The following ACMSD variants were observed in gnomAD, a reference collection of about 807,000 sequenced individuals.
ACMSD encodes the protein 2-amino-3-carboxymuconate-6-semialdehyde decarboxylase.
A neutral mutation model predicts 45.9 loss-of-function variants in ACMSD; 37 were observed. That is an observed-to-expected ratio of 0.81 (90% CI 0.62 to 1.06). ACMSD has a LOEUF of 1.06. Among genes scored for constraint, ACMSD ranks in the 50% least tolerant of loss-of-function variants. The probability of loss-of-function intolerance (pLI) is 0.00; values close to 1 mark genes in which losing one functional copy is unlikely to be tolerated. For missense variants in ACMSD, 434 were observed against 420.9 expected (o/e 1.03, Z -0.27); for synonymous variants, 138 against 148.8 (o/e 0.93, Z 0.53).
intron 8 of ACMSD, among the ~76,000 whole-genome samples, chr2:134,875,974 A>T (rs1688712229): frequency 6.6e-6 from 1 of 152,256 alleles, no homozygotes; most frequent in Non-Finnish European, 1.5e-5. Context: ...ACAAACCTGT[A>T]CATGTTACTG....
intron 8 of ACMSD, among the ~76,000 whole-genome samples, chr2:134,885,257 A>AATATATATTTACATATATATT (rs1689269469): frequency 2.0e-5 from 2 of 101,974 alleles, no homozygotes; most frequent in Non-Finnish European, 3.5e-5. Context: ...TTTATATATA[A>AATATATATTTACATATATATT]TATATATATA....
At chr2:134,840,754 T>G (rs538590684) in intron 1 of ACMSD, among the ~76,000 whole-genome samples, 1 of 151,876 alleles carries the variant, frequency 6.6e-6, no homozygotes, top group Non-Finnish European at 1.5e-5. Context: ...CTTCTTTTTT[T>G]ATTTTTATGT....
intron 2 of ACMSD, among the ~76,000 whole-genome samples, chr2:134,848,350 G>A (rs1489384260): frequency 3.3e-5 from 5 of 152,142 alleles, no homozygotes; most frequent in African/African-American, 4.8e-5. Flanking sequence ...TTGAGGAATC[G>A]CCACACTGTC....
intron 2 of ACMSD, among the ~76,000 whole-genome samples, chr2:134,853,130 T>C (rs1221941396): frequency 7.6e-6 from 1 of 132,416 alleles, no homozygotes; most frequent in East Asian, 2.2e-4. Context: ...ACCACTACAC[T>C]CCAGCCTGGG....
chr2:134,852,802 G>A (rs763498218), intron 2 of ACMSD, among the ~76,000 whole-genome samples: 1 of 152,118 alleles, frequency 6.6e-6, no homozygotes, highest in African/African-American at 2.4e-5. Context: ...GGTCTGGAGG[G>A]ATTGCTCGAG....
At chr2:134,874,693 G>A (rs1218309939) in intron 8 of ACMSD, among the ~76,000 whole-genome samples, 4 of 151,032 alleles carry the variant, frequency 2.6e-5, no homozygotes, top group African/African-American at 7.3e-5. Flanking sequence ...GAAAGAAAAG[G>A]AAATAATCAA....
At position 134,867,608 on chromosome 2, in the gene ACMSD, C is replaced by T. The variant is rs1211981654; in HGVS notation, c.516C>T (p.Phe172=). The stretch of plus-strand genomic sequence containing the variant: ...CCGAAAGGCTGAAGTGTTCCCTGTT[C>T]GTGCATCCCTGGGACATGCAGATGG... The part of the protein sequence containing the change: ...AAAERLKCSL[F]VHPWDMQMDG... Residue 172 remains phenylalanine, a synonymous_variant, in exon 6 of 10, where the codon TTC becomes TTT. Coordinates refer to ENST00000356140, the MANE Select transcript of ACMSD (RefSeq NM_138326.3). 7 of 1,613,834 alleles carry T rather than the reference C, an allele frequency of 4.3e-6. No homozygotes were observed. In the South Asian group the frequency reaches 4.4e-5, roughly 10 times the overall value.
chr2:134,840,576 C>A (rs181926927), intron 1 of ACMSD, among the ~76,000 whole-genome samples: 2 of 152,126 alleles, frequency 1.3e-5, no homozygotes, highest in Non-Finnish European at 2.9e-5. Context: ...GAAGCTTGTT[C>A]GCCCCTTCTG....
intron 8 of ACMSD, among the ~76,000 whole-genome samples, chr2:134,887,199 T>A (rs996486419): frequency 2.0e-5 from 3 of 152,038 alleles, no homozygotes; most frequent in African/African-American, 7.2e-5. Context: ...CCAAGCTAAA[T>A]CTAAAAATCT....
At chr2:134,898,512 T>G (rs1287485414) in intron 9 of ACMSD, 73 bp downstream of exon 9, 2 of 989,358 alleles carry the variant, frequency 2.0e-6, no homozygotes, top group African/African-American at 3.4e-5. Context: ...TCAGAGCACT[T>G]TGATATATAA....
At chr2:134,870,704 G>C (rs1356756983) in intron 6 of ACMSD, among the ~76,000 whole-genome samples, 3 of 152,172 alleles carry the variant, frequency 2.0e-5, no homozygotes, top group Non-Finnish European at 2.9e-5. Flanking sequence ...CCAAACTGAA[G>C]TCGGGGGAAT....
intron 9 of ACMSD, among the ~76,000 whole-genome samples, chr2:134,899,932 GAAT>G (rs1196962752): frequency 6.6e-6 from 1 of 152,088 alleles, no homozygotes; most frequent in African/African-American, 2.4e-5. Context: ...TTATATGCCT[GAAT>G]ATAAGTATTT....
intron 8 of ACMSD, among the ~76,000 whole-genome samples, chr2:134,884,645 G>A (rs1689222488): frequency 6.6e-6 from 1 of 152,176 alleles, no homozygotes; most frequent in East Asian, 1.9e-4. Context: ...ACAGATGTAA[G>A]TAGACATAAC....
intron 2 of ACMSD, among the ~76,000 whole-genome samples, chr2:134,852,206 G>T (rs1687377749): frequency 6.6e-6 from 1 of 152,166 alleles, no homozygotes; most frequent in Non-Finnish European, 1.5e-5. Flanking sequence ...AAGGAGTCTG[G>T]ATTTCACCTT....
intron 8 of ACMSD, among the ~76,000 whole-genome samples, chr2:134,893,688 TAAAAG>T (rs1397029436): frequency 6.6e-6 from 1 of 152,006 alleles, no homozygotes; most frequent in African/African-American, 2.4e-5. Context: ...TTTAAAGTAC[TAAAAG>T]AAAGAAGAAA....
intron 1 of ACMSD, 129 bp from the exon 2 acceptor site, chr2:134,845,104 C>T: frequency 1.2e-6 from 1 of 856,692 alleles, no homozygotes; most frequent in East Asian, 2.5e-5. Context: ...ATAGGCGATA[C>T]ATGGGTATGG....
At chr2:134,847,395 TACAGATAGATAGATAGATAGATAGATAG>T (rs1456044828) in intron 2 of ACMSD, among the ~76,000 whole-genome samples, 2 of 143,240 alleles carry the variant, frequency 1.4e-5, no homozygotes, top group African/African-American at 2.6e-5. Context: ...TTTTTGGGGA[TACAGATAGATAGATAGATAGATAGATAG>T]ATAGATAGAT....
chr2:134,863,654 C>T (rs1259242478), intron 5 of ACMSD, 23 bp downstream of exon 5: 1 of 1,609,918 alleles, frequency 6.2e-7, no homozygotes. Context: ...GCTGCTCAGC[C>T]AACGCCAGCC....
At position 134,872,634 on chromosome 2, in the gene ACMSD, T is replaced by C. The variant is rs200995606; in HGVS notation, c.842T>C (p.Ile281Thr). ...PLSLKLLTDV[I>T]GKDKVILGTD... is the part of the protein sequence containing the mutation. ...TCCCTCAAGCTGTTAACAGATGTCA[T>C]AGGAAAGGTAAGCCCAGTCTGCCAC... is the stretch of plus-strand genomic sequence containing the variant. The change falls in exon 8 of 10, where the codon ATA (isoleucine) becomes ACA (threonine). Residue 281 changes from isoleucine (I) to threonine (T), a missense_variant. Physicochemically the swap from Ile to Thr is moderately conservative, Grantham distance 89 (BLOSUM62 -1). Transcript: ENST00000356140. 127 of 1,614,122 alleles carry C rather than the reference T, an allele frequency of 7.9e-5. No homozygotes were observed. The highest frequency in any genetic ancestry group is 6.6e-4 in the Middle Eastern group (4 of 6,062).
Sources: gnomAD v4.1 joint callset for allele counts (sites outside exome capture counted in the v4.1 genomes callset) on GRCh38, gnomAD v4.1.1 for gene constraint, MANE v1.5 for transcripts, NCBI Gene and HGNC (gene_info 2026-07-23, HGNC 2026-07-21) for gene names.